IL1RAPL2: variants seen among roughly 807,000 people sequenced by gnomAD.
IL1RAPL2 encodes X-linked interleukin-1 receptor accessory protein-like 2.
IL1RAPL2 carries 3 observed loss-of-function variants against 44.1 expected under a neutral mutation model. That is an observed-to-expected ratio of 0.07 (90% CI 0.03 to 0.18). The LOEUF is 0.18. Among genes scored for constraint, IL1RAPL2 ranks in the 10% least tolerant of loss-of-function variants. The pLI is 1.00. For missense variants in IL1RAPL2, 391 were observed against 496.4 expected, an observed-to-expected ratio of 0.79 and a Z score of 2.02; for synonymous variants, 181 against 178.8, an observed-to-expected ratio of 1.01 and a Z score of -0.10.
chrX:105,452,991 C>A (rs1220013862), intron 5 of IL1RAPL2, among the ~76,000 whole-genome samples: 2 of 112,283 alleles, frequency 1.8e-5, no homozygotes, highest in Non-Finnish European at 3.8e-5. Flanking sequence ...TAGTGGTGCA[C>A]ATTCACTATA....
chrX:104,801,841 A>C (rs1932886969), intron 2 of IL1RAPL2, among the ~76,000 whole-genome samples: 1 of 111,682 alleles, frequency 9.0e-6, no homozygotes, highest in Non-Finnish European at 1.9e-5. Context: ...GCATTAAAAA[A>C]TGTATCTCTA....
chrX:104,744,013 G>A (rs770849747), intron 2 of IL1RAPL2, among the ~76,000 whole-genome samples: 1 of 110,637 alleles, frequency 9.0e-6, no homozygotes, highest in Non-Finnish European at 1.9e-5. Flanking sequence ...AAAGTGCGTG[G>A]TTCCTGGGTT....
At chrX:105,263,848 T>C (rs2034380147) in intron 4 of IL1RAPL2, among the ~76,000 whole-genome samples, 1 of 111,331 alleles carries the variant, frequency 9.0e-6, no homozygotes. Context: ...GTTGTTCAGG[T>C]TTAATAGTCC....
In IL1RAPL2 at chrX:104,613,358, G is replaced by A. The variant is rs1003938525; in HGVS notation, c.-19-45537G>A. On this transcript the variant is annotated intron_variant, in intron 1 of 10. Transcript: ENST00000372582. ...GTTCCTTTGGTGCCTAGTTATTGAG[G>A]GTTTTTAACATCATGAGTAGATGTT... is the stretch of plus-strand genomic sequence containing the variant. Among the ~76,000 whole-genome samples the A allele has an allele frequency of 3.6e-5, 4 of 110,758 alleles. No homozygotes were observed. The Admixed American group carries it at 3.8e-4, about 11-fold the overall frequency.
intron 1 of IL1RAPL2, among the ~76,000 whole-genome samples, chrX:104,574,174 T>TA (rs981975982): frequency 2.7e-5 from 3 of 111,339 alleles, no homozygotes; most frequent in East Asian, 2.8e-4. Flanking sequence ...GTCTTTATGG[T>TA]AAAAAATACC....
chrX:105,479,720 C>A (rs1333087562), intron 5 of IL1RAPL2, among the ~76,000 whole-genome samples: 1 of 106,501 alleles, frequency 9.4e-6, no homozygotes, highest in Non-Finnish European at 1.9e-5. Flanking sequence ...GCCTGGGCAA[C>A]AAGAGTGAAA....
intron 5 of IL1RAPL2, among the ~76,000 whole-genome samples, chrX:105,376,147 T>C (rs1171333791): frequency 8.9e-6 from 1 of 111,866 alleles, no homozygotes; most frequent in Admixed American, 9.5e-5. Context: ...GGTCCTATGC[T>C]ACTGCTCAGA....
intron 5 of IL1RAPL2, among the ~76,000 whole-genome samples, chrX:105,288,589 A>G (rs2034588676): frequency 1.8e-5 from 2 of 111,500 alleles, no homozygotes; most frequent in African/African-American, 3.3e-5. Context: ...TATTTTACAC[A>G]TACTTTATTT....
intron 6 of IL1RAPL2, among the ~76,000 whole-genome samples, chrX:105,690,370 G>T (rs1443495743): frequency 9.0e-6 from 1 of 111,538 alleles, no homozygotes; most frequent in Non-Finnish European, 1.9e-5. Context: ...TAATTATTCT[G>T]TTTGATTAAA....
In IL1RAPL2 at chrX:105,528,751, C is replaced by T. The variant is rs1280041904; in HGVS notation, c.772+44364C>T. ...GAATCAAGACCTTCTCCTACATAACCAAAATATAACTATCATGTTCAAAAA... is the reference window on the plus strand; with the variant it reads ...GAATCAAGACCTTCTCCTACATAACTAAAATATAACTATCATGTTCAAAAA... On this transcript the variant is annotated intron_variant, in intron 6 of 10. Transcript: ENST00000372582. Among the ~76,000 whole-genome samples the T allele has an allele frequency of 9.0e-5, 10 of 110,888 alleles. No homozygotes were observed. The Admixed American group carries it at 9.7e-4, about 11-fold the overall frequency.
intron 1 of IL1RAPL2, among the ~76,000 whole-genome samples, chrX:104,597,911 A>G (rs1171553887): frequency 8.9e-6 from 1 of 111,833 alleles, no homozygotes; most frequent in Non-Finnish European, 1.9e-5. Flanking sequence ...CATTTTAACC[A>G]TTTTTCATAG....
intron 5 of IL1RAPL2, among the ~76,000 whole-genome samples, chrX:105,375,467 C>T (rs2035380634): frequency 1.8e-5 from 2 of 111,741 alleles, no homozygotes; most frequent in Middle Eastern, 4.6e-3. Flanking sequence ...GCCGAGATTG[C>T]GCCACTGCAC....
intron 2 of IL1RAPL2, among the ~76,000 whole-genome samples, chrX:105,143,602 C>T (rs1458968073): frequency 8.9e-6 from 1 of 112,185 alleles, no homozygotes; most frequent in Admixed American, 9.4e-5. Flanking sequence ...TGGGTATATA[C>T]CCAAAGGATT....
rs530858919 is a variant in IL1RAPL2 at position 105,012,676 on chromosome X, G to C, written c.83-182799G>C. 1.7e-3 allele frequency among the ~76,000 whole-genome samples: 156 copies of C among 94,029 alleles called. 1 individual carries two copies. The highest frequency in any genetic ancestry group is 0.011 in the South Asian group (23 of 2,037). 81.7% of individuals were successfully genotyped at this position (94,029 alleles called of 115,157 possible). On this transcript the variant is annotated intron_variant, in intron 2 of 10. Transcript: ENST00000372582. ...ACACACACACACACACACACACACA[G>C]AGAGAGAGAGAGAGAATAATAAAAT...
intron 5 of IL1RAPL2, among the ~76,000 whole-genome samples, chrX:105,443,243 A>G (rs1207622913): frequency 2.7e-5 from 3 of 111,795 alleles, no homozygotes; most frequent in African/African-American, 9.8e-5. Flanking sequence ...AGCTGTATAT[A>G]CTTATGGGTA....
intron 2 of IL1RAPL2, among the ~76,000 whole-genome samples, chrX:104,709,975 TAAAAA>T: frequency 2.7e-5 from 3 of 110,490 alleles, no homozygotes; most frequent in African/African-American, 9.8e-5. Flanking sequence ...GCTATAATAA[TAAAAA>T]AAAGAAACAA....
chrX:105,204,036 G>C lies in IL1RAPL2; in HGVS notation c.356+8288G>C, dbSNP rs551747903. ...CAGTTCTCATACTCTAAACTAATAGGTTCTGACTCCAACATTAACCTAGAG... is the reference window on the plus strand; with the variant it reads ...CAGTTCTCATACTCTAAACTAATAGCTTCTGACTCCAACATTAACCTAGAG... On this transcript the variant is annotated intron_variant, in intron 3 of 10. Coordinates refer to ENST00000372582, the MANE Select transcript of IL1RAPL2 (RefSeq NM_017416.2). Among the ~76,000 whole-genome samples, 34 of 111,635 alleles carry C rather than the reference G, an allele frequency of 3.0e-4. No homozygotes were observed. In the South Asian group the frequency reaches 4.1e-3, roughly 14 times the overall value.
chrX:105,624,580 G>A (rs1324496175), intron 6 of IL1RAPL2, among the ~76,000 whole-genome samples: 1 of 111,292 alleles, frequency 9.0e-6, no homozygotes, highest in Admixed American at 9.6e-5. Context: ...TTGAAGAAAA[G>A]GCTATTCAGT....
chrX:105,097,783 C>CT (rs2032624171), intron 2 of IL1RAPL2, among the ~76,000 whole-genome samples: 1 of 111,480 alleles, frequency 9.0e-6, no homozygotes, highest in Non-Finnish European at 1.9e-5. Flanking sequence ...TCCTCTAACT[C>CT]TGACTGCTTC....
Sources: gnomAD v4.1 joint callset for allele counts (sites outside exome capture counted in the v4.1 genomes callset) on GRCh38, gnomAD v4.1.1 for gene constraint, MANE v1.5 for transcripts, NCBI Gene and HGNC (gene_info 2026-07-23, HGNC 2026-07-21) for gene names.